The following DNAH8 variants were observed in gnomAD, a reference collection of about 807,000 sequenced individuals.
The protein encoded by DNAH8 is dynein axonemal heavy chain 8.
A neutral mutation model predicts 562.1 loss-of-function variants in DNAH8; 382 were observed. That is an observed-to-expected ratio of 0.68 (90% CI 0.63 to 0.74). The LOEUF (loss-of-function observed/expected upper bound fraction) is 0.74, where lower values mean the gene tolerates loss of function less well. Among genes scored for constraint, DNAH8 ranks in the 30% least tolerant of loss-of-function variants. The pLI, the probability that DNAH8 is intolerant of heterozygous loss-of-function variation, is 0.00. For synonymous variants in DNAH8, 1,881 were observed against 1,919.4 expected (o/e 0.98, Z 0.52); for missense variants, 5,203 against 5,620.4 (o/e 0.93, Z 2.37).
rs75857905 is a variant in DNAH8, at chr6:38,943,894, A to G, written c.12008-1573A>G. On this transcript the variant is annotated intron_variant, in intron 79 of 92. Transcript: ENST00000327475. ...CAGCCAATCTGGTAGATTCTATCAGACATCCACTTGGCAGATGAGGAAACT... is the reference window on the plus strand; with the variant it reads ...CAGCCAATCTGGTAGATTCTATCAGGCATCCACTTGGCAGATGAGGAAACT... Among the ~76,000 whole-genome samples the G allele has an allele frequency of 5.4e-3, 815 of 152,304 alleles. 3 individuals carry two copies. The highest frequency in any genetic ancestry group is 8.9e-3 in the Non-Finnish European group (606 of 68,024).
intron 21 of DNAH8, among the ~76,000 whole-genome samples, chr6:38,794,135 C>T (rs1047203257): frequency 9.2e-5 from 14 of 152,132 alleles, no homozygotes; most frequent in Admixed American, 9.2e-4. Flanking sequence ...TGTAAATTCC[C>T]AAGGGAGAAT....
chr6:38,971,509 T>A, intron 82 of DNAH8, 83 bp from the exon 83 acceptor site: 1 of 814,934 alleles, frequency 1.2e-6, no homozygotes, highest in Non-Finnish European at 1.8e-6. Context: ...AAGGAGGCTA[T>A]AATCATTCAG....
chr6:38,718,449 A>C (rs1469727913), intron 1 of DNAH8, among the ~76,000 whole-genome samples: 1 of 152,178 alleles, frequency 6.6e-6, no homozygotes, highest in African/African-American at 2.4e-5. Flanking sequence ...GCAATATTTG[A>C]CACTCAAAAA....
intron 3 of DNAH8, 142 bp downstream of exon 3, chr6:38,723,613 G>A (rs1582826632): frequency 5.5e-6 from 6 of 1,096,846 alleles, no homozygotes; most frequent in Admixed American, 2.5e-5. Flanking sequence ...AGTGGCTCAT[G>A]CCTGTAATCC....
intron 88 of DNAH8, among the ~76,000 whole-genome samples, chr6:38,995,913 A>G (rs1290696417): frequency 6.6e-6 from 1 of 152,188 alleles, no homozygotes; most frequent in Admixed American, 6.5e-5. Flanking sequence ...GGTGTTGCCA[A>G]CACATCCCAG....
chr6:38,989,632 G>A (rs1458169335), intron 87 of DNAH8, among the ~76,000 whole-genome samples: 3 of 152,158 alleles, frequency 2.0e-5, no homozygotes, highest in East Asian at 3.9e-4. Context: ...GGAGAAGTGG[G>A]GTGATGAAAA....
chr6:38,890,532 T>C (rs1441585969), intron 57 of DNAH8, 120 bp from the exon 58 acceptor site: 4 of 721,784 alleles, frequency 5.5e-6, no homozygotes, highest in Non-Finnish European at 9.7e-6. Context: ...GCTGATCCCT[T>C]GAGAGAAATT....
In DNAH8 at chr6:38,987,528, C is replaced by A. The variant is rs1764482258; in HGVS notation, c.13054-2484C>A. On this transcript the variant is annotated intron_variant, in intron 87 of 92. Coordinates refer to ENST00000327475, the MANE Select transcript of DNAH8 (RefSeq NM_001206927.2). ...CCCTCCTCACCTGAGTTATTTTACT[C>A]CCTTCTATCATCTGATTCTGGTTTC... Among the ~76,000 whole-genome samples, 3 of 152,194 alleles carry A rather than the reference C, an allele frequency of 2.0e-5. No individual in the cohort carries two copies. In the South Asian group the frequency reaches 6.2e-4, roughly 31 times the overall value.
chr6:38,991,030 G>A (rs1311356838), intron 88 of DNAH8, among the ~76,000 whole-genome samples: 2 of 152,214 alleles, frequency 1.3e-5, no homozygotes, highest in Non-Finnish European at 2.9e-5. Flanking sequence ...CTCTCTCCTA[G>A]TCCCTGGCCT....
chr6:38,867,346 A>G (rs1165110543), intron 47 of DNAH8, among the ~76,000 whole-genome samples: 1 of 152,066 alleles, frequency 6.6e-6, no homozygotes, highest in East Asian at 1.9e-4. Flanking sequence ...CCTCTCTCCC[A>G]AATCCCTAAC....
chr6:38,831,430 C>CAAAAAAAAAAAAAA (rs67322321), intron 30 of DNAH8, among the ~76,000 whole-genome samples: 2 of 88,996 alleles, frequency 2.2e-5, no homozygotes, highest in Non-Finnish European at 4.3e-5. Flanking sequence ...GACACCATCT[C>CAAAAAAAAAAAAAA]AAAAAAAAAA....
chr6:38,999,933 A>AC (rs1465838936), intron 88 of DNAH8, among the ~76,000 whole-genome samples: 65 of 66,006 alleles, frequency 9.8e-4, no homozygotes, highest in Middle Eastern at 6.8e-3. Flanking sequence ...ACACACACAC[A>AC]AACACACACA....
In DNAH8 at chr6:38,875,413, T is replaced by C. The variant is rs6458079; in HGVS notation, c.7621-178T>C. 0.43 allele frequency among the ~76,000 whole-genome samples: 65,888 copies of C among 151,966 alleles called. 15,213 individuals are homozygous for C. Among genetic ancestry groups the C allele is most frequent in the East Asian group, 0.84 (4,348 of 5,170 alleles). ...TTTCTGCTAGACCATGCTGCCTGTCTAAAACAGGATAGCCTTTCTTCTACG... is the reference window on the plus strand; with the variant it reads ...TTTCTGCTAGACCATGCTGCCTGTCCAAAACAGGATAGCCTTTCTTCTACG... On this transcript the variant is annotated intron_variant, in intron 52 of 92. Coordinates refer to ENST00000327475, the MANE Select transcript of DNAH8 (RefSeq NM_001206927.2).
chr6:38,720,084 C>T (rs1762627242), intron 1 of DNAH8, among the ~76,000 whole-genome samples: 1 of 152,080 alleles, frequency 6.6e-6, no homozygotes. Flanking sequence ...CCTCAGTCTG[C>T]CTGGCACCAG....
chr6:38,750,702 C>A, intron 9 of DNAH8, 113 bp downstream of exon 9: 1 of 566,488 alleles, frequency 1.8e-6, no homozygotes. Context: ...GAGTGCAAGG[C>A]TGCAGTGAGC....
intron 11 of DNAH8, among the ~76,000 whole-genome samples, chr6:38,765,292 G>A (rs1476403834): frequency 1.3e-5 from 2 of 152,170 alleles, no homozygotes; most frequent in East Asian, 3.9e-4. Context: ...TCTTTTCTGT[G>A]CAAAAGCTTT....
chr6:38,759,926 T>C (rs1053095028), intron 10 of DNAH8, among the ~76,000 whole-genome samples: 3 of 152,316 alleles, frequency 2.0e-5, no homozygotes, highest in African/African-American at 7.2e-5. Context: ...TCTTTCCTGC[T>C]ACAAGATCCC....
In DNAH8 at chr6:38,722,787, T is replaced by G; in HGVS notation, c.-23T>G. On this transcript the variant is annotated 5_prime_UTR_variant, in exon 2 of 93. Coordinates refer to ENST00000327475, the MANE Select transcript of DNAH8 (RefSeq NM_001206927.2). ...TGTTATAATTCTAGGTTTCGAAGTATAAAGCATTCCGCACGACGGGGGATG... is the reference window on the plus strand; with the variant it reads ...TGTTATAATTCTAGGTTTCGAAGTAGAAAGCATTCCGCACGACGGGGGATG... 6.4e-7 allele frequency: 1 copy of G among 1,551,998 alleles called. No individual in the cohort carries two copies. Among genetic ancestry groups the G allele is most frequent in the Non-Finnish European group, 8.7e-7 (1 of 1,152,570 alleles).
intron 88 of DNAH8, among the ~76,000 whole-genome samples, chr6:39,003,744 T>C (rs908629922): frequency 2.6e-5 from 4 of 152,206 alleles, no homozygotes; most frequent in Non-Finnish European, 4.4e-5. Context: ...TTTACTAGGA[T>C]TTATTATTAC....
Sources: gnomAD v4.1 joint callset for allele counts (sites outside exome capture counted in the v4.1 genomes callset) on GRCh38, gnomAD v4.1.1 for gene constraint, MANE v1.5 for transcripts, NCBI Gene and HGNC (gene_info 2026-07-23, HGNC 2026-07-21) for gene names.